Variants in PAH observed in about 807,000 individuals in gnomAD.
PAH encodes phenylalanine hydroxylase.
PAH carries 64 observed loss-of-function variants against 62.0 expected under a neutral mutation model. That is an observed-to-expected ratio of 1.03 (90% confidence interval 0.84 to 1.27). The LOEUF (loss-of-function observed/expected upper bound fraction) is 1.27, where lower values mean the gene tolerates loss of function less well. PAH is among the 50% of genes most tolerant of loss of function. The pLI, the probability that PAH is intolerant of heterozygous loss-of-function variation, is 0.00. For synonymous variants in PAH, 195 were observed against 196.2 expected (o/e 0.99, Z 0.05); for missense variants, 579 against 542.8 (o/e 1.07, Z -0.66).
chr12:102,861,625 TA>T (rs1875720839), intron 5 of PAH, among the ~76,000 whole-genome samples: 1 of 152,174 alleles, frequency 6.6e-6, no homozygotes, highest in African/African-American at 2.4e-5. Context: ...ATGTGGCACA[TA>T]TACACCATGG....
chr12:102,863,082 C>G (rs1389920108), intron 5 of PAH, among the ~76,000 whole-genome samples: 3 of 152,184 alleles, frequency 2.0e-5, no homozygotes, highest in African/African-American at 7.2e-5. Context: ...CTAGCTGTAT[C>G]AGCTCAGGCA....
At chr12:102,862,066 G>C (rs2136657916) in intron 5 of PAH, among the ~76,000 whole-genome samples, 1 of 151,664 alleles carries the variant, frequency 6.6e-6, no homozygotes, top group Non-Finnish European at 1.5e-5. Context: ...CATACCCAAA[G>C]GAATATAAAT....
intron 6 of PAH, among the ~76,000 whole-genome samples, chr12:102,853,964 C>A (rs943880647): frequency 1.5e-4 from 23 of 152,172 alleles, no homozygotes; most frequent in African/African-American, 4.8e-4. Flanking sequence ...GCTTCAAAGT[C>A]TGTTCTCTTA....
chr12:102,855,239 A>C lies in PAH; in HGVS notation c.603T>G (p.His201Gln), dbSNP rs751977644. 1.9e-6 allele frequency: 3 copies of C among 1,614,104 alleles called. No homozygotes were observed. In the South Asian group the frequency reaches 3.3e-5, roughly 18 times the overall value. ...AAATGTGATTGTACTCATAGCAAGC[A>C]TGGGTTTTATACAAGGACTTCAGAG... ...FKTLKSLYKT[H>Q]ACYEYNHIFP... Residue 201 changes from histidine (H) to glutamine (Q), a missense_variant, in exon 6 of 13, where the codon CAT (histidine) becomes CAG (glutamine). Transcript: ENST00000553106.
intron 3 of PAH, among the ~76,000 whole-genome samples, chr12:102,893,235 A>G (rs1414515091): frequency 6.6e-6 from 1 of 152,046 alleles, no homozygotes; most frequent in African/African-American, 2.4e-5. Flanking sequence ...TCCCGTCTCT[A>G]TGGAAAATAC....
chr12:102,876,371 T>C (rs1287760797), intron 4 of PAH, among the ~76,000 whole-genome samples: 1 of 152,206 alleles, frequency 6.6e-6, no homozygotes, highest in Non-Finnish European at 1.5e-5. Flanking sequence ...CACCATGAGC[T>C]CTCAGGACTC....
Position 102,957,185 on chromosome 12 carries a change from A to C in PAH, c.-96+1010T>G, listed in dbSNP as rs1593011341. Among the ~76,000 whole-genome samples, 1 of 151,190 alleles carries C rather than the reference A, an allele frequency of 6.6e-6. No individual in the cohort carries two copies. The highest frequency in any genetic ancestry group is 2.4e-5 in the African/African-American group (1 of 41,036). On this transcript the variant is annotated intron_variant, in intron 1 of 4. Coordinates refer to the PAH transcript ENST00000551337. This position sits in a 1 kb window ranked among gnomAD's most constrained non-coding sequence, Gnocchi z 4.1. The stretch of plus-strand genomic sequence containing the variant: ...AAAAGTCGAGCCCCACTCCCTCCTC[A>C]CCTCCACACCGTTCCTGTGCCATTT...
chr12:102,894,781 A>G lies in PAH; in HGVS notation c.306T>C (p.Ile102=), dbSNP rs1171173322. The G allele has an allele frequency of 6.2e-7, 1 of 1,614,024 alleles. No individual in the cohort carries two copies. ...TNIIKILRHD[I]GATVHELSRD... ...GTGAAAGCTCATGGACAGTGGCACCAATGTCATGCCTCAAGATCTTGATGA... is the reference window on the plus strand; with the variant it reads ...GTGAAAGCTCATGGACAGTGGCACCGATGTCATGCCTCAAGATCTTGATGA... The change falls in exon 3 of 13, where the codon ATT becomes ATC. Residue 102 remains isoleucine, a synonymous_variant. Transcript: ENST00000553106.
intron 1 of PAH, among the ~76,000 whole-genome samples, chr12:102,956,636 T>G (rs1406090195): frequency 1.3e-5 from 2 of 152,134 alleles, no homozygotes; most frequent in South Asian, 2.1e-4. Flanking sequence ...CCCGCATCTT[T>G]CTTCTCCGAG....
chr12:102,930,440 A>G (rs1440540783), intron 1 of PAH, among the ~76,000 whole-genome samples: 1 of 152,132 alleles, frequency 6.6e-6, no homozygotes, highest in Non-Finnish European at 1.5e-5. Context: ...CTCTTCCCAC[A>G]TTAACATCCT....
Position 102,852,939 on chromosome 12 carries a change from A to C in PAH, c.718T>G (p.Phe240Val), listed in dbSNP as rs62507337. 15 of 1,614,106 alleles carry C rather than the reference A, an allele frequency of 9.3e-6. No individual in the cohort carries two copies. The highest frequency in any genetic ancestry group is 1.3e-5 in the Non-Finnish European group (15 of 1,180,008). The change falls in exon 7 of 13, where the codon TTC (phenylalanine) becomes GTC (valine). Residue 240 changes from phenylalanine to valine, a missense_variant. Physicochemically the swap from Phe to Val is conservative, Grantham distance 50. Transcript: ENST00000553106. ...AGGCCAGCCACAGGTCGGAGGCGGA[A>C]ACCAGTGCAAGCTGGGATGAAAAGA... ...VSQFLQTCTG[F>V]RLRPVAGLLS...
intron 1 of PAH, chr12:102,913,970 T>A: frequency 1.5e-6 from 1 of 649,748 alleles, no homozygotes; most frequent in Non-Finnish European, 2.8e-6. Flanking sequence ...ATTACTCTCT[T>A]GTAAGCAAGT....
chr12:102,851,813 C>G (rs1875166061), intron 7 of PAH, 57 bp from the exon 8 acceptor site: 3 of 1,298,242 alleles, frequency 2.3e-6, no homozygotes, highest in Non-Finnish European at 3.4e-6. Flanking sequence ...CCAAGCCAGA[C>G]TCAGTCTTTC....
At chr12:102,893,948 T>G (rs564173518) in intron 3 of PAH, among the ~76,000 whole-genome samples, 1 of 152,250 alleles carries the variant, frequency 6.6e-6, no homozygotes, top group East Asian at 1.9e-4. Flanking sequence ...GGAGATTGTA[T>G]GAGAAGAAGA....
At chr12:102,856,348 G>T (rs1464956182) in intron 5 of PAH, among the ~76,000 whole-genome samples, 1 of 152,150 alleles carries the variant, frequency 6.6e-6, no homozygotes, top group Non-Finnish European at 1.5e-5. Flanking sequence ...GCTCAAACTG[G>T]GTGGAGCCCA....
rs1420897175 is a variant in PAH at position 102,855,144 on chromosome 12, A to G, written c.698T>C (p.Phe233Ser). ...CCCTGATGTGGACTTACTCTGCAGGAACTGAGAAACGTCTTCCAGCTGGGG... is the reference window on the plus strand; with the variant it reads ...CCCTGATGTGGACTTACTCTGCAGGGACTGAGAAACGTCTTCCAGCTGGGG... ...NIPQLEDVSQFLQTCTGFRLR... is the reference protein window; with the variant it reads ...NIPQLEDVSQSLQTCTGFRLR... The change falls in exon 6 of 13, where the codon TTC (phenylalanine) becomes TCC (serine). Residue 233 changes from phenylalanine (F) to serine (S), a missense_variant. By Grantham distance (155) the Phe-to-Ser change is radical (BLOSUM62 -2). Transcript: ENST00000553106. 1.2e-6 allele frequency: 2 copies of G among 1,613,776 alleles called. No individual in the cohort carries two copies. Among genetic ancestry groups the G allele is most frequent in the Non-Finnish European group, 8.5e-7 (1 of 1,179,766 alleles).
intron 2 of PAH, among the ~76,000 whole-genome samples, chr12:102,897,950 T>G (rs1375451628): frequency 6.6e-6 from 1 of 152,250 alleles, no homozygotes; most frequent in Admixed American, 6.5e-5. Flanking sequence ...GCCACAGTTT[T>G]CTTGTAAAAC....
At chr12:102,933,800 T>A (rs1287014286) in intron 1 of PAH, among the ~76,000 whole-genome samples, 2 of 152,100 alleles carry the variant, frequency 1.3e-5, no homozygotes, top group Admixed American at 1.3e-4. Flanking sequence ...ATTATTAGAA[T>A]TTTTCCCATA....
intron 1 of PAH, 136 bp from the exon 2 acceptor site, chr12:102,913,034 T>C (rs1878264129): frequency 2.7e-5 from 18 of 669,412 alleles, no homozygotes; most frequent in South Asian, 2.4e-4. Flanking sequence ...ATATATATTC[T>C]ATACAGAAAT....
Sources: allele counts gnomAD v4.1 joint callset (sites outside exome capture counted in the v4.1 genomes callset), GRCh38; gene constraint gnomAD v4.1.1; non-coding constraint Gnocchi (gnomAD v3.1); transcripts MANE v1.5; gene names NCBI Gene and HGNC (gene_info 2026-07-23, HGNC 2026-07-21).